The following CSMD1 variants were observed in gnomAD, a reference collection of about 807,000 sequenced individuals.
The protein encoded by CSMD1 is CUB and sushi domain-containing protein 1.
In CSMD1, 213 loss-of-function variants were observed where a neutral mutation model predicts 417.5. The ratio of observed to expected loss-of-function variants is 0.51; its 90% CI spans 0.46 to 0.57. The LOEUF (loss-of-function observed/expected upper bound fraction) is 0.57, where lower values mean the gene tolerates loss of function less well. Ranked by LOEUF, CSMD1 falls within the 20% of genes least tolerant of loss-of-function variation. The pLI is 0.00. For synonymous variants in CSMD1, 2,862 were observed against 1,736.8 expected (o/e 1.65, Z -16.11); for missense variants, 6,923 against 4,529.7 (o/e 1.53, Z -15.17).
chr8:4,933,224 T>C (rs1007506305), intron 1 of CSMD1, among the ~76,000 whole-genome samples: 2 of 152,118 alleles, frequency 1.3e-5, no homozygotes, highest in Admixed American at 6.5e-5. Context: ...GAATCATGTT[T>C]TCCCACTAAG....
intron 3 of CSMD1, among the ~76,000 whole-genome samples, chr8:4,172,686 A>G (rs745497296): frequency 5.9e-5 from 9 of 152,176 alleles, no homozygotes; most frequent in Non-Finnish European, 1.3e-4. Context: ...TTTCACACAT[A>G]TTCATTAGAA....
chr8:4,244,586 T>C (rs533103472), intron 3 of CSMD1, among the ~76,000 whole-genome samples: 22 of 151,848 alleles, frequency 1.4e-4, no homozygotes, highest in African/African-American at 4.6e-4. Flanking sequence ...ATATCAACTA[T>C]TGTAGATCTG....
intron 3 of CSMD1, among the ~76,000 whole-genome samples, chr8:4,302,631 G>C (rs1267846862): frequency 1.3e-5 from 2 of 152,140 alleles, no homozygotes; most frequent in Non-Finnish European, 2.9e-5. Flanking sequence ...GTTTTTCTCT[G>C]ACACAAAGGT....
chr8:3,405,833 G>C (rs1812310790), intron 15 of CSMD1, among the ~76,000 whole-genome samples, 194 bp downstream of exon 15: 1 of 152,170 alleles, frequency 6.6e-6, no homozygotes, highest in African/African-American at 2.4e-5. Flanking sequence ...ACCCCACCCT[G>C]CCGATGACAC....
chr8:3,277,985 G>A (rs1802431789), intron 26 of CSMD1, among the ~76,000 whole-genome samples: 1 of 152,140 alleles, frequency 6.6e-6, no homozygotes, highest in African/African-American at 2.4e-5. Context: ...AAACCTTCGT[G>A]GGTATCTTAA....
intron 1 of CSMD1, among the ~76,000 whole-genome samples, chr8:4,846,528 G>T (rs917017187): frequency 1.3e-5 from 2 of 152,172 alleles, no homozygotes; most frequent in African/African-American, 4.8e-5. Flanking sequence ...TGCTGTTTTG[G>T]TCCAGCCACA....
intron 36 of CSMD1, 80 bp downstream of exon 36, chr8:3,187,789 G>A: frequency 1.0e-6 from 1 of 994,158 alleles, no homozygotes; most frequent in Non-Finnish European, 1.6e-6. Context: ...TCTATGTGGA[G>A]TGTTTGCTGT....
At chr8:4,915,723 G>A (rs1038410456) in intron 1 of CSMD1, among the ~76,000 whole-genome samples, 1 of 152,206 alleles carries the variant, frequency 6.6e-6, no homozygotes, top group African/African-American at 2.4e-5. Context: ...CATTATGTCC[G>A]GGTTTGGAGA....
chr8:3,701,089 C>A (rs1402766970), intron 7 of CSMD1, among the ~76,000 whole-genome samples: 1 of 151,858 alleles, frequency 6.6e-6, no homozygotes, highest in Non-Finnish European at 1.5e-5. Context: ...GGTCTAGGGA[C>A]TGAATGGTGG....
chr8:4,723,776 G>A (rs1301759423), intron 1 of CSMD1, among the ~76,000 whole-genome samples: 4 of 116,428 alleles, frequency 3.4e-5, no homozygotes, highest in Non-Finnish European at 6.7e-5. Flanking sequence ...AATGCAATAT[G>A]CTTTCGAATG....
intron 3 of CSMD1, among the ~76,000 whole-genome samples, chr8:4,249,496 C>A (rs1236030535): frequency 1.3e-5 from 2 of 152,110 alleles, no homozygotes; most frequent in Admixed American, 6.5e-5. Context: ...TTATTTAATG[C>A]GGAAGGATGT....
At chr8:4,764,939 G>T (rs1243942583) in intron 1 of CSMD1, among the ~76,000 whole-genome samples, 2 of 147,770 alleles carry the variant, frequency 1.4e-5, no homozygotes, top group African/African-American at 5.0e-5. Context: ...GTTATTTGAA[G>T]GTAATTTCCA....
intron 6 of CSMD1, among the ~76,000 whole-genome samples, chr8:3,717,663 G>C (rs1040723830): frequency 1.3e-5 from 2 of 152,138 alleles, no homozygotes; most frequent in Non-Finnish European, 2.9e-5. Flanking sequence ...TTAATGCTAT[G>C]TGCATTGTAT....
intron 5 of CSMD1, among the ~76,000 whole-genome samples, chr8:3,974,732 A>C (rs564202913): frequency 6.6e-6 from 1 of 152,064 alleles, no homozygotes; most frequent in Non-Finnish European, 1.5e-5. Context: ...CAGAACAGGC[A>C]AAACTAAATT....
At chr8:4,862,827 A>G (rs1802214384) in intron 1 of CSMD1, among the ~76,000 whole-genome samples, 1 of 152,050 alleles carries the variant, frequency 6.6e-6, no homozygotes. Context: ...TAGAAAGTTG[A>G]AGACCTCCCA....
intron 21 of CSMD1, among the ~76,000 whole-genome samples, chr8:3,349,285 C>T (rs117629900): frequency 0.014 from 2,116 of 152,254 alleles, 22 homozygotes; most frequent in Non-Finnish European, 0.021. Context: ...TCTTTCACAC[C>T]CTCCTTCCCT....
intron 2 of CSMD1, among the ~76,000 whole-genome samples, chr8:4,487,914 G>T (rs144083045): frequency 1.3e-4 from 20 of 152,290 alleles, no homozygotes; most frequent in African/African-American, 4.8e-4. Flanking sequence ...AAAATCAAAT[G>T]AATGATATGA....
At chr8:3,334,376 T>C (rs1585015047) in intron 23 of CSMD1, among the ~76,000 whole-genome samples, 1 of 152,326 alleles carries the variant, frequency 6.6e-6, no homozygotes, top group East Asian at 1.9e-4. Flanking sequence ...CAATGCTTAG[T>C]GCTTCTGTAT....
intron 25 of CSMD1, among the ~76,000 whole-genome samples, chr8:3,304,300 GAAAT>G (rs1804644170): frequency 6.6e-6 from 1 of 151,938 alleles, no homozygotes; most frequent in Admixed American, 6.6e-5. Flanking sequence ...TGTTACCATT[GAAAT>G]AAATAAGACT....
Sources: allele counts gnomAD v4.1 joint callset (sites outside exome capture counted in the v4.1 genomes callset), GRCh38; gene constraint gnomAD v4.1.1; transcripts MANE v1.5; gene names NCBI Gene and HGNC (gene_info 2026-07-23, HGNC 2026-07-21).